Variants in DDX10 observed in about 807,000 individuals in gnomAD.
DDX10 encodes probable ATP-dependent RNA helicase DDX10.
Under a neutral mutation model 104.3 loss-of-function variants are expected in DDX10, and 74 were observed. The ratio of observed to expected loss-of-function variants is 0.71; its 90% CI spans 0.59 to 0.86. DDX10 has a LOEUF of 0.86. Among genes scored for constraint, DDX10 ranks in the 40% least tolerant of loss-of-function variants. The pLI, the probability that DDX10 is intolerant of heterozygous loss-of-function variation, is 0.00. For missense variants in DDX10, 952 were observed against 1,040.0 expected (o/e 0.92, Z 1.16); for synonymous variants, 351 against 353.4 (o/e 0.99, Z 0.08).
intron 15 of DDX10, among the ~76,000 whole-genome samples, chr11:108,848,482 A>G (rs368719828): frequency 6.6e-6 from 1 of 152,076 alleles, no homozygotes; most frequent in South Asian, 2.1e-4. Context: ...TTTTCCTTCT[A>G]GTTTCAGCCC....
chr11:108,685,365 AGGCAATGCCTCGCCC>A (rs1338210244), intron 6 of DDX10, among the ~76,000 whole-genome samples: 2 of 151,330 alleles, frequency 1.3e-5, no homozygotes, highest in Non-Finnish European at 2.9e-5. Flanking sequence ...TTCCCAGGTG[AGGCAATGCCTCGCCC>A]TGCTTCGGCT....
rs1315460398 is a variant in DDX10 at position 108,705,136 on chromosome 11, A to G, written c.1224-1603A>G. Among the ~76,000 whole-genome samples, 5 of 152,262 alleles carry G rather than the reference A, an allele frequency of 3.3e-5. 1 individual carries two copies. The South Asian group carries it at 8.3e-4, about 25-fold the overall frequency. ...CAGGCTCTAATGTACCTTTCTAGCAATCTTTCCTGCTGTTTGTGTACGCTG... is the reference window on the plus strand; with the variant it reads ...CAGGCTCTAATGTACCTTTCTAGCAGTCTTTCCTGCTGTTTGTGTACGCTG... On this transcript the variant is annotated intron_variant, in intron 9 of 17. Coordinates refer to ENST00000322536, the MANE Select transcript of DDX10 (RefSeq NM_004398.4).
At chr11:108,757,213 C>CT (rs1393401307) in intron 13 of DDX10, among the ~76,000 whole-genome samples, 2 of 152,062 alleles carry the variant, frequency 1.3e-5, no homozygotes, top group Admixed American at 6.6e-5. Flanking sequence ...TATTTCCTCT[C>CT]TCTCTGCAAG....
At chr11:108,904,311 C>T (rs1199429367) in intron 16 of DDX10, among the ~76,000 whole-genome samples, 3 of 152,096 alleles carry the variant, frequency 2.0e-5, no homozygotes, top group African/African-American at 7.2e-5. Flanking sequence ...TCAGTGGTAT[C>T]AAGGTGACAT....
intron 13 of DDX10, among the ~76,000 whole-genome samples, chr11:108,812,482 T>C (rs1371900282): frequency 6.6e-6 from 1 of 152,164 alleles, no homozygotes; most frequent in East Asian, 1.9e-4. Context: ...AACAATTAGA[T>C]ATGTCACCTC....
At chr11:108,839,713 C>T (rs903171641) in intron 14 of DDX10, among the ~76,000 whole-genome samples, 2 of 151,994 alleles carry the variant, frequency 1.3e-5, no homozygotes, top group Non-Finnish European at 2.9e-5. Flanking sequence ...AAATCGTGTG[C>T]CATTCAAAGG....
intron 13 of DDX10, among the ~76,000 whole-genome samples, chr11:108,738,320 C>G (rs1468589930): frequency 6.7e-6 from 1 of 149,208 alleles, no homozygotes; most frequent in South Asian, 2.1e-4. Context: ...TTTACTGTTT[C>G]CTCTTAAGAG....
chr11:108,681,174 G>C (rs2094234521), intron 6 of DDX10, among the ~76,000 whole-genome samples: 1 of 151,900 alleles, frequency 6.6e-6, no homozygotes, highest in African/African-American at 2.4e-5. Flanking sequence ...ATTTATGCAA[G>C]TTAATTTGTA....
chr11:108,767,292 C>G (rs963062383), intron 13 of DDX10: 12 of 152,200 alleles, frequency 7.9e-5, no homozygotes, highest in Admixed American at 4.6e-4. Context: ...AATTCATTTT[C>G]TCCAATGAAG....
chr11:108,676,119 G>A (rs2094224721), intron 3 of DDX10, among the ~76,000 whole-genome samples: 1 of 152,158 alleles, frequency 6.6e-6, no homozygotes, highest in Non-Finnish European at 1.5e-5. Context: ...ACCTTGTTTA[G>A]GATAAAGCTG....
chr11:108,709,959 T>C (rs148655629), intron 10 of DDX10, among the ~76,000 whole-genome samples: 1 of 152,340 alleles, frequency 6.6e-6, no homozygotes, highest in African/African-American at 2.4e-5. Context: ...CTATATGGTA[T>C]AGCCTATTGC....
At chr11:108,866,969 A>C (rs926050833) in intron 16 of DDX10, among the ~76,000 whole-genome samples, 4 of 152,204 alleles carry the variant, frequency 2.6e-5, no homozygotes, top group Non-Finnish European at 2.9e-5. Context: ...AGGATTCACA[A>C]AAGAAAGCAT....
chr11:108,770,652 A>G (rs1299775999), intron 13 of DDX10, among the ~76,000 whole-genome samples: 1 of 152,144 alleles, frequency 6.6e-6, no homozygotes, highest in East Asian at 1.9e-4. Context: ...TTCACTTAAC[A>G]TAATGTTCTT....
chr11:108,874,974 G>A (rs901023901), intron 16 of DDX10, among the ~76,000 whole-genome samples: 1 of 152,076 alleles, frequency 6.6e-6, no homozygotes, highest in Non-Finnish European at 1.5e-5. Flanking sequence ...TATAATGAAG[G>A]TAAAAATAGT....
At chr11:108,861,319 C>T (rs765519247) in intron 16 of DDX10, among the ~76,000 whole-genome samples, 25 of 152,084 alleles carry the variant, frequency 1.6e-4, no homozygotes, top group Non-Finnish European at 3.2e-4. Context: ...CTCACATTTG[C>T]TGTTCTTTGC....
At chr11:108,917,169 A>C (rs1863762246) in intron 16 of DDX10, among the ~76,000 whole-genome samples, 1 of 150,774 alleles carries the variant, frequency 6.6e-6, no homozygotes, top group African/African-American at 2.4e-5. Context: ...GGCACACGAG[A>C]TCTTCCTGCC....
At chr11:108,836,859 T>G (rs944871551) in intron 13 of DDX10, among the ~76,000 whole-genome samples, 1 of 152,190 alleles carries the variant, frequency 6.6e-6, no homozygotes, top group Non-Finnish European at 1.5e-5. Context: ...ATTTGCTCTT[T>G]TTTGTGTGTA....
chr11:108,866,323 A>AT (rs1275074024), intron 16 of DDX10, among the ~76,000 whole-genome samples: 1 of 152,118 alleles, frequency 6.6e-6, no homozygotes, highest in Non-Finnish European at 1.5e-5. Flanking sequence ...CCACAAGGAG[A>AT]TGAAGTAGGT....
chr11:108,705,500 T>G lies in DDX10; in HGVS notation c.1224-1239T>G, dbSNP rs146766093. Among the ~76,000 whole-genome samples the G allele has an allele frequency of 4.6e-5, 7 of 152,334 alleles. No homozygotes were observed. The East Asian group carries it at 1.2e-3, about 25-fold the overall frequency. Reference sequence around the variant, plus strand: ...CCCATGGTTGTCCTTTAGCACCTACTTATTTACTGTTTTGTGACTGTTCTC... The same window carrying G: ...CCCATGGTTGTCCTTTAGCACCTACGTATTTACTGTTTTGTGACTGTTCTC... On this transcript the variant is annotated intron_variant, in intron 9 of 17. Transcript: ENST00000322536.
Sources: gnomAD v4.1 joint callset for allele counts (sites outside exome capture counted in the v4.1 genomes callset) on GRCh38, gnomAD v4.1.1 for gene constraint, MANE v1.5 for transcripts, NCBI Gene and HGNC (gene_info 2026-07-23, HGNC 2026-07-21) for gene names.